The following OTUD7A variants were observed in gnomAD, a reference collection of about 807,000 sequenced individuals.
OTUD7A encodes OTU deubiquitinase 7A, also known as OTU domain-containing protein 7A.
A neutral mutation model predicts 65.7 loss-of-function variants in OTUD7A; 12 were observed. The observed-to-expected ratio is 0.18, with a 90% confidence interval of 0.12 to 0.30. OTUD7A has a LOEUF of 0.30. OTUD7A is among the 10% of genes least tolerant of loss of function. The pLI, the probability that OTUD7A is intolerant of heterozygous loss-of-function variation, is 1.00. For missense variants in OTUD7A, 1,148 were observed against 1,304.8 expected (o/e 0.88, Z 1.85); for synonymous variants, 641 against 586.3 (o/e 1.09, Z -1.35).
chr15:31,868,531 C>CA (rs1416627660), intron 1 of OTUD7A, among the ~76,000 whole-genome samples: 5 of 152,162 alleles, frequency 3.3e-5, no homozygotes, highest in Admixed American at 6.5e-5. Context: ...AGTTCTACAG[C>CA]AACTACACAC....
intron 5 of OTUD7A, among the ~76,000 whole-genome samples, chr15:31,545,632 C>T (rs1020721858): frequency 6.6e-6 from 1 of 151,822 alleles, no homozygotes; most frequent in Non-Finnish European, 1.5e-5. Context: ...ATGCAAATGG[C>T]CAATAACATG....
rs1193594604 is a variant in OTUD7A at position 31,487,269 on chromosome 15, C to G, written c.1296G>C (p.Leu432=). The G allele has an allele frequency of 3.7e-6, 6 of 1,613,956 alleles. No homozygotes were observed. Among genetic ancestry groups the G allele is most frequent in the Non-Finnish European group, 5.1e-6 (6 of 1,179,986 alleles). Reference sequence around the variant, plus strand: ...GAAGGTTCAGCTTGGCTTCTAGCGACAGGATAAGGCTGGCAAGAGAAGAAT... The same window carrying G: ...GAAGGTTCAGCTTGGCTTCTAGCGAGAGGATAAGGCTGGCAAGAGAAGAAT... ...NDNARLAHLI[L]SLEAKLNLLH... The change falls in exon 12 of 13, where the codon CTG becomes CTC. Residue 432 remains leucine, a synonymous_variant. Coordinates refer to ENST00000307050, the MANE Select transcript of OTUD7A (RefSeq NM_001382637.1). The surrounding 1 kb of genome is among the most constrained non-coding windows in gnomAD (Gnocchi z 6.0).
chr15:31,488,014 G>A (rs575033817), intron 10 of OTUD7A, among the ~76,000 whole-genome samples: 3 of 152,310 alleles, frequency 2.0e-5, no homozygotes, highest in African/African-American at 7.2e-5. Flanking sequence ...CTACTGGTTT[G>A]TAATTTTGTG....
chr15:31,646,739 G>T (rs146652491), intron 3 of OTUD7A, among the ~76,000 whole-genome samples: 1 of 152,112 alleles, frequency 6.6e-6, no homozygotes, highest in African/African-American at 2.4e-5. Flanking sequence ...GATTACAGGC[G>T]TGAGCCACCA....
chr15:31,651,747 A>G (rs1891844043), intron 3 of OTUD7A, among the ~76,000 whole-genome samples: 1 of 152,230 alleles, frequency 6.6e-6, no homozygotes, highest in Admixed American at 6.5e-5. Flanking sequence ...AATACCATGT[A>G]CAATAGTTTA....
At chr15:31,737,951 A>G (rs1182843005) in intron 1 of OTUD7A, among the ~76,000 whole-genome samples, 1 of 152,224 alleles carries the variant, frequency 6.6e-6, no homozygotes, top group Non-Finnish European at 1.5e-5. Context: ...TCATAAATGT[A>G]TAGGTGTAGC....
intron 10 of OTUD7A, among the ~76,000 whole-genome samples, chr15:31,499,657 A>G (rs1429250686): frequency 3.3e-5 from 5 of 152,214 alleles, no homozygotes; most frequent in Non-Finnish European, 5.9e-5. Flanking sequence ...TGGCCATGGC[A>G]CCTGCCCTGC....
intron 8 of OTUD7A, among the ~76,000 whole-genome samples, chr15:31,509,756 G>A (rs1411566648): frequency 6.9e-6 from 1 of 145,090 alleles, no homozygotes; most frequent in Non-Finnish European, 1.5e-5. Context: ...TTTAAATTAC[G>A]TAATATTTTT....
chr15:31,561,273 T>C (rs776928915), intron 4 of OTUD7A, among the ~76,000 whole-genome samples: 1 of 152,190 alleles, frequency 6.6e-6, no homozygotes, highest in East Asian at 1.9e-4. Context: ...TTCAGGTCCT[T>C]GAGTGCAGGA....
At chr15:31,627,872 G>A (rs1250005317) in intron 3 of OTUD7A, among the ~76,000 whole-genome samples, 3 of 152,038 alleles carry the variant, frequency 2.0e-5, no homozygotes, top group African/African-American at 4.8e-5. Flanking sequence ...TGTGTTTTTT[G>A]GCTGCATAAA....
chr15:31,766,445 A>C (rs1895096804), intron 1 of OTUD7A: 1 of 1,581,340 alleles, frequency 6.3e-7, no homozygotes, highest in South Asian at 1.1e-5. Flanking sequence ...ACACAGAAGA[A>C]GCTGGAAGTA....
chr15:31,710,353 G>A (rs200890405), intron 1 of OTUD7A, among the ~76,000 whole-genome samples: 16,350 of 148,804 alleles, frequency 0.11, 681 homozygotes, highest in East Asian at 0.41. Flanking sequence ...GAATGAACAT[G>A]AACTGAAACG....
chr15:31,818,185 A>T (rs1181083289), intron 1 of OTUD7A, among the ~76,000 whole-genome samples: 3 of 152,202 alleles, frequency 2.0e-5, no homozygotes, highest in Non-Finnish European at 4.4e-5. Context: ...ATACATTTCT[A>T]TTATTTATAA....
At chr15:31,603,820 G>A (rs551503064) in intron 3 of OTUD7A, among the ~76,000 whole-genome samples, 7 of 152,300 alleles carry the variant, frequency 4.6e-5, no homozygotes, top group African/African-American at 1.7e-4. Context: ...AGACATTTAT[G>A]TGGCCAACAG....
intron 1 of OTUD7A, among the ~76,000 whole-genome samples, chr15:31,750,936 T>A (rs575557368): frequency 1.3e-4 from 20 of 152,232 alleles, no homozygotes; most frequent in Middle Eastern, 3.4e-3. Context: ...CAAGATGGAT[T>A]AAAATCTTAA....
chr15:31,753,091 A>G (rs552994972), intron 1 of OTUD7A, among the ~76,000 whole-genome samples: 1 of 152,332 alleles, frequency 6.6e-6, no homozygotes, highest in South Asian at 2.1e-4. Context: ...ACATTGTGCA[A>G]AACAGTGAGG....
At position 31,784,425 on chromosome 15, in the gene OTUD7A, A is replaced by C. The variant is rs1270406170; in HGVS notation, c.-100+86082T>G. Among the ~76,000 whole-genome samples the C allele has an allele frequency of 4.7e-5, 7 of 147,832 alleles. No homozygotes were observed. The East Asian group carries it at 1.4e-3, about 29-fold the overall frequency. On this transcript the variant is annotated intron_variant, in intron 1 of 12. Transcript: ENST00000307050. Reference sequence around the variant, plus strand: ...AGCTGTCTTCTATTAAGCCAGTCGAAATTTACTAAAACATAAAACAATGCC... The same window carrying C: ...AGCTGTCTTCTATTAAGCCAGTCGACATTTACTAAAACATAAAACAATGCC...
rs564934278 is a variant in OTUD7A, at chr15:31,520,123, C to T, written c.893+6226G>A. The stretch of plus-strand genomic sequence containing the variant: ...ATCAAGTTACCAATGTCATTTTTCA[C>T]AGGATTATAAAAAACAATAAATTTC... On this transcript the variant is annotated intron_variant, in intron 8 of 12. Coordinates refer to ENST00000307050, the MANE Select transcript of OTUD7A (RefSeq NM_001382637.1). Among the ~76,000 whole-genome samples, 36 of 152,232 alleles carry T rather than the reference C, an allele frequency of 2.4e-4. No homozygotes were observed. The South Asian group carries it at 3.7e-3, about 16-fold the overall frequency.
At chr15:31,734,046 T>A (rs547224430) in intron 1 of OTUD7A, among the ~76,000 whole-genome samples, 1 of 152,222 alleles carries the variant, frequency 6.6e-6, no homozygotes, top group South Asian at 2.1e-4. Context: ...TTTCGGGGAA[T>A]TGGATACAAT....
Sources: gnomAD v4.1 joint callset for allele counts (sites outside exome capture counted in the v4.1 genomes callset) on GRCh38, gnomAD v4.1.1 for gene constraint, Gnocchi (gnomAD v3.1) non-coding constraint, MANE v1.5 for transcripts, NCBI Gene and HGNC (gene_info 2026-07-23, HGNC 2026-07-21) for gene names.